MACIR: variants seen among roughly 807,000 people sequenced by gnomAD.
MACIR encodes UNC119-binding protein C5orf30.
A neutral mutation model predicts 14.3 loss-of-function variants in MACIR; 4 were observed. That is an observed-to-expected ratio of 0.28 (90% CI 0.14 to 0.64). MACIR has a LOEUF of 0.64. Among genes scored for constraint, MACIR ranks in the 30% least tolerant of loss-of-function variants. The pLI, the probability that MACIR is intolerant of heterozygous loss-of-function variation, is 0.83. For missense variants in MACIR, 228 were observed against 257.6 expected (o/e 0.89, Z 0.79); for synonymous variants, 101 against 102.4 (o/e 0.99, Z 0.08).
chr5:103,278,517 C>T lies in MACIR; in HGVS notation c.*1977C>T, dbSNP rs1554238034. 1 of 167,016 alleles carries T rather than the reference C, an allele frequency of 6.0e-6. No homozygotes were observed. The highest frequency in any genetic ancestry group is 2.4e-5 in the African/African-American group (1 of 41,420). The allele number at this position is 167,016 out of a possible 1,614,324, so 10.3% of individuals were successfully genotyped here. On this transcript the variant is annotated 3_prime_UTR_variant, in exon 3 of 3. Transcript: ENST00000319933. ...AATCAAACCATTTACTTTTGATGCT[C>T]ATTGGCATTTTATGATAAAAGATGT...
At chr5:103,275,121 C>T (rs530005345) in intron 2 of MACIR, among the ~76,000 whole-genome samples, 85 of 152,236 alleles carry the variant, frequency 5.6e-4, no homozygotes, top group African/African-American at 2.0e-3. Flanking sequence ...AATGTCAAGC[C>T]TGTGGTGTAT....
At chr5:103,271,260 AAGCT>A (rs2149930570) in intron 2 of MACIR, among the ~76,000 whole-genome samples, 1 of 152,304 alleles carries the variant, frequency 6.6e-6, no homozygotes, top group Admixed American at 6.5e-5. Context: ...CCTGTTTTCA[AAGCT>A]GGTCTAAGGA....
intron 1 of MACIR, among the ~76,000 whole-genome samples, chr5:103,260,373 G>A (rs1180581746): frequency 6.6e-6 from 1 of 152,086 alleles, no homozygotes; most frequent in Non-Finnish European, 1.5e-5. Context: ...TATAGTATTG[G>A]TTATTACGGC....
intron 2 of MACIR, among the ~76,000 whole-genome samples, chr5:103,272,487 T>C (rs1240720253): frequency 6.6e-6 from 1 of 152,124 alleles, no homozygotes; most frequent in South Asian, 2.1e-4. Context: ...ATTCTGTAAC[T>C]GTTCTCAGGA....
At chr5:103,270,583 C>G (rs1283628177) in intron 2 of MACIR, among the ~76,000 whole-genome samples, 1 of 152,108 alleles carries the variant, frequency 6.6e-6, no homozygotes, top group Non-Finnish European at 1.5e-5. Context: ...GAAAAACAAT[C>G]ACTTGAGCAG....
intron 2 of MACIR, among the ~76,000 whole-genome samples, chr5:103,270,082 TTTC>T (rs1160131120): frequency 6.6e-6 from 1 of 152,176 alleles, no homozygotes; most frequent in African/African-American, 2.4e-5. Context: ...CATCATCTCC[TTTC>T]TTCTTTTGAT....
At chr5:103,271,517 A>C (rs1805124594) in intron 2 of MACIR, among the ~76,000 whole-genome samples, 1 of 152,092 alleles carries the variant, frequency 6.6e-6, no homozygotes, top group African/African-American at 2.4e-5. Flanking sequence ...TACTGTGTAC[A>C]TTTTTAAAGA....
intron 2 of MACIR, among the ~76,000 whole-genome samples, chr5:103,275,403 C>T (rs2149934555): frequency 6.6e-6 from 1 of 152,188 alleles, no homozygotes; most frequent in East Asian, 1.9e-4. Context: ...TCCTTAAAGA[C>T]AAATTGAAAA....
intron 1 of MACIR, among the ~76,000 whole-genome samples, chr5:103,261,092 A>G (rs1804665783): frequency 6.6e-6 from 1 of 152,232 alleles, no homozygotes; most frequent in Admixed American, 6.5e-5. Flanking sequence ...TTTAATTTTT[A>G]CTAGCAGAAA....
chr5:103,266,733 C>T (rs2149925960), intron 2 of MACIR, among the ~76,000 whole-genome samples: 1 of 152,116 alleles, frequency 6.6e-6, no homozygotes, highest in Non-Finnish European at 1.5e-5. Flanking sequence ...TGCATCCTTG[C>T]CTTGAATTAT....
At chr5:103,270,092 T>C (rs531291836) in intron 2 of MACIR, among the ~76,000 whole-genome samples, 2 of 152,304 alleles carry the variant, frequency 1.3e-5, no homozygotes, top group South Asian at 2.1e-4. Flanking sequence ...TTTCTTCTTT[T>C]GATAATTCCT....
At chr5:103,261,685 T>C (rs996953328) in intron 1 of MACIR, among the ~76,000 whole-genome samples, 5 of 130,168 alleles carry the variant, frequency 3.8e-5, no homozygotes, top group Admixed American at 1.5e-4. Flanking sequence ...TTTCTTTCTT[T>C]CTTTCTTTCT....
Position 103,276,244 on chromosome 5 carries a change from A to C in MACIR, c.325A>C (p.Thr109Pro), listed in dbSNP as rs1554237696. 6.2e-6 allele frequency: 10 copies of C among 1,612,852 alleles called. No individual in the cohort carries two copies. Among genetic ancestry groups the C allele is most frequent in the Non-Finnish European group, 7.6e-6 (9 of 1,179,744 alleles). ...GLARSSRLYKTRSRYYQPYEI... is the reference protein window; with the variant it reads ...GLARSSRLYKPRSRYYQPYEI... ...TGCCCGTTCCTCTCGTTTGTATAAA[A>C]CCAGAAGTAGGTACTACCAGCCATA... Residue 109 changes from threonine (T) to proline (P), a missense_variant, in exon 3 of 3, where the codon ACC becomes CCC. By Grantham distance (38) the Thr-to-Pro change is conservative (BLOSUM62 -1). Transcript: ENST00000319933.
chr5:103,269,263 G>GAT (rs1442629463), intron 2 of MACIR, among the ~76,000 whole-genome samples: 1 of 152,076 alleles, frequency 6.6e-6, no homozygotes, highest in Non-Finnish European at 1.5e-5. Flanking sequence ...TAGATATCAT[G>GAT]ATATCACTAG....
rs782671566 is a variant in MACIR, at chr5:103,275,877, C to T, written c.-23-20C>T. 2 of 1,572,126 alleles carry T rather than the reference C, an allele frequency of 1.3e-6. No individual in the cohort carries two copies. Among genetic ancestry groups the T allele is most frequent in the South Asian group, 2.4e-5 (2 of 83,974 alleles). ...TCTCTGTGCATTATATTCTTCTAAT[C>T]TAAGTCTGTTTACTTTTAGGATTGT... On this transcript the variant is annotated intron_variant, in intron 2 of 2. Transcript: ENST00000319933.
At chr5:103,267,550 A>T (rs935148001) in intron 2 of MACIR, among the ~76,000 whole-genome samples, 2 of 152,158 alleles carry the variant, frequency 1.3e-5, no homozygotes, top group African/African-American at 4.8e-5. Flanking sequence ...AGGTGAAATG[A>T]GTCATCTTGG....
At position 103,276,617 on chromosome 5, in the gene MACIR, A is replaced by G. The variant is rs1231248090; in HGVS notation, c.*77A>G. 2 of 1,335,460 alleles carry G rather than the reference A, an allele frequency of 1.5e-6. No individual in the cohort carries two copies. Among genetic ancestry groups the G allele is most frequent in the East Asian group, 2.3e-5 (1 of 43,286 alleles). 82.7% of individuals were successfully genotyped at this position (1,335,460 alleles called of 1,614,324 possible). On this transcript the variant is annotated 3_prime_UTR_variant, in exon 3 of 3. Coordinates refer to ENST00000319933, the MANE Select transcript of MACIR (RefSeq NM_033211.4). ...AAAAACCCACTGCTGTACTCTGTAC[A>G]TGACTCTTCACACTATAGATGGTTA... is the stretch of plus-strand genomic sequence containing the variant.
intron 2 of MACIR, among the ~76,000 whole-genome samples, chr5:103,273,411 A>G (rs1409967392): frequency 1.3e-5 from 2 of 152,116 alleles, no homozygotes; most frequent in South Asian, 2.1e-4. Context: ...TTGTCTAACA[A>G]TAGTGTCTAT....
intron 2 of MACIR, among the ~76,000 whole-genome samples, chr5:103,270,971 G>A (rs1805101608): frequency 6.6e-6 from 1 of 151,978 alleles, no homozygotes; most frequent in Non-Finnish European, 1.5e-5. Context: ...CTGTAATAGA[G>A]AAAAATAAAG....
Sources: allele counts gnomAD v4.1 joint callset (sites outside exome capture counted in the v4.1 genomes callset), GRCh38; gene constraint gnomAD v4.1.1; transcripts MANE v1.5; gene names NCBI Gene and HGNC (gene_info 2026-07-23, HGNC 2026-07-21).